The following FGF14 variants were observed in gnomAD, a reference collection of about 807,000 sequenced individuals.
FGF14 encodes fibroblast growth factor 14.
FGF14 carries 5 observed loss-of-function variants against 25.5 expected under a neutral mutation model. The ratio of observed to expected loss-of-function variants is 0.20; its 90% CI spans 0.10 to 0.41. The LOEUF (loss-of-function observed/expected upper bound fraction) is 0.41, where lower values mean the gene tolerates loss of function less well. FGF14 is among the 10% of genes least tolerant of loss of function. The probability of loss-of-function intolerance (pLI) is 1.00; values close to 1 mark genes in which losing one functional copy is unlikely to be tolerated. For missense variants in FGF14, 222 were observed against 320.1 expected, an observed-to-expected ratio of 0.69 and a Z score of 2.34; for synonymous variants, 138 against 118.3, an observed-to-expected ratio of 1.17 and a Z score of -1.08.
In FGF14 at chr13:101,715,704, C is replaced by T. The variant is rs1366859898; in HGVS notation, c.*7127G>A. ...TCTTATTTTTTCTGGGCCATTAGAA[C>T]AGATAAATGCGAAGGAAACCATGTA... On this transcript the variant is annotated 3_prime_UTR_variant, in exon 5 of 5. Transcript: ENST00000376143. 1 of 1,238,576 alleles carries T rather than the reference C, an allele frequency of 8.1e-7. No individual in the cohort carries two copies. The highest frequency in any genetic ancestry group is 2.3e-5 in the East Asian group (1 of 43,178). 76.7% of individuals were successfully genotyped at this position (1,238,576 alleles called of 1,614,324 possible). A position where few individuals can be genotyped will look rare whatever the true frequency, so the allele number is the denominator to read the frequency against.
intron 1 of FGF14, among the ~76,000 whole-genome samples, chr13:102,038,391 T>C (rs907759392): frequency 1.3e-5 from 2 of 152,282 alleles, no homozygotes; most frequent in African/African-American, 4.8e-5. Flanking sequence ...GACTGAAGCC[T>C]GCTCCTAGGG....
chr13:101,905,381 G>T (rs2032110474), intron 1 of FGF14, among the ~76,000 whole-genome samples: 1 of 152,180 alleles, frequency 6.6e-6, no homozygotes, highest in African/African-American at 2.4e-5. Flanking sequence ...CATAAAAAAG[G>T]ATGAGTTCAT....
chr13:102,312,079 T>C (rs985071610), intron 1 of FGF14, among the ~76,000 whole-genome samples: 1 of 152,190 alleles, frequency 6.6e-6, no homozygotes, highest in African/African-American at 2.4e-5. Context: ...GTATGTTACC[T>C]ACTCTGAGTT....
intron 1 of FGF14, among the ~76,000 whole-genome samples, chr13:102,232,645 T>C (rs1459774141): frequency 6.6e-6 from 1 of 152,228 alleles, no homozygotes; most frequent in Non-Finnish European, 1.5e-5. Flanking sequence ...TGATCTTCTC[T>C]TGATTCCCTT....
chr13:102,365,949 A>G (rs796973569), intron 1 of FGF14, among the ~76,000 whole-genome samples: 12 of 152,304 alleles, frequency 7.9e-5, no homozygotes, highest in African/African-American at 2.2e-4. Context: ...GATCTAAACA[A>G]TGTTCTCTCC....
chr13:101,919,770 T>C (rs760301815), upstream of FGF14, among the ~76,000 whole-genome samples: 6 of 152,128 alleles, frequency 3.9e-5, no homozygotes, highest in African/African-American at 7.2e-5. Flanking sequence ...GGGAAGGAAA[T>C]TGATCTTCAC....
At chr13:101,868,626 G>A (rs1357114270) in intron 3 of FGF14, 99 bp downstream of exon 3, 5 of 830,118 alleles carry the variant, frequency 6.0e-6, no homozygotes, top group Middle Eastern at 2.2e-4. Flanking sequence ...GGCAAAAACT[G>A]GCAGAAACAA....
intron 1 of FGF14, among the ~76,000 whole-genome samples, chr13:102,188,924 G>C (rs11069476): frequency 0.15 from 21,591 of 140,500 alleles, 1,734 homozygotes; most frequent in Non-Finnish European, 0.18. Context: ...CTGAGTGACA[G>C]AGTGAGAAAA....
chr13:102,330,990 C>T (rs2056617812), intron 1 of FGF14, among the ~76,000 whole-genome samples: 1 of 152,190 alleles, frequency 6.6e-6, no homozygotes, highest in Non-Finnish European at 1.5e-5. Context: ...GCTTAATTAA[C>T]ACCAGAGCTT....
chr13:102,091,901 G>A (rs371124335), intron 1 of FGF14, among the ~76,000 whole-genome samples: 2 of 152,134 alleles, frequency 1.3e-5, no homozygotes, highest in South Asian at 4.1e-4. Flanking sequence ...CCTCCAGAGT[G>A]GACTCTGACC....
intron 1 of FGF14, among the ~76,000 whole-genome samples, chr13:102,064,626 C>G (rs574654268): frequency 9.2e-5 from 14 of 151,952 alleles, no homozygotes; most frequent in South Asian, 2.1e-4. Context: ...GCACGAAATT[C>G]AAATTTGTGT....
chr13:102,007,739 C>A (rs3886535), intron 1 of FGF14, among the ~76,000 whole-genome samples: 1 of 152,070 alleles, frequency 6.6e-6, no homozygotes, highest in Non-Finnish European at 1.5e-5. Flanking sequence ...TCAAAATAAT[C>A]ACAGGGGGTT....
intron 1 of FGF14, among the ~76,000 whole-genome samples, chr13:102,049,692 C>T (rs1434048069): frequency 6.6e-6 from 1 of 151,870 alleles, no homozygotes; most frequent in Non-Finnish European, 1.5e-5. Context: ...AGAATATGCC[C>T]CTAATGCAAT....
rs1375291598 is a variant in FGF14 at position 101,823,050 on chromosome 13, A to G, written c.408+45675T>C. Among the ~76,000 whole-genome samples, 3 of 152,092 alleles carry G rather than the reference A, an allele frequency of 2.0e-5. No homozygotes were observed. The East Asian group carries it at 5.8e-4, about 29-fold the overall frequency. Reference sequence around the variant, plus strand: ...ATATGCCAAAATTTCATTCCTTTTTATGGCTAGATGATATTCCATTGTATG... The same window carrying G: ...ATATGCCAAAATTTCATTCCTTTTTGTGGCTAGATGATATTCCATTGTATG... On this transcript the variant is annotated intron_variant, in intron 3 of 4. Coordinates refer to ENST00000376143, the MANE Select transcript of FGF14 (RefSeq NM_004115.4).
chr13:101,788,965 G>GAGAGAGAGAGAGAGAT (rs2040073837), intron 3 of FGF14, among the ~76,000 whole-genome samples: 1 of 80,606 alleles, frequency 1.2e-5, no homozygotes, highest in Non-Finnish European at 2.8e-5. Context: ...GAGAGAGAGA[G>GAGAGAGAGAGAGAGAT]AGAGACAGAG....
At chr13:101,882,864 C>T (rs1303525136) in intron 1 of FGF14, among the ~76,000 whole-genome samples, 1 of 152,094 alleles carries the variant, frequency 6.6e-6, no homozygotes, top group South Asian at 2.1e-4. Context: ...GCTCTGTTCC[C>T]TTCTGAGTTT....
chr13:102,237,882 T>C (rs2051403373), intron 1 of FGF14, among the ~76,000 whole-genome samples: 1 of 152,196 alleles, frequency 6.6e-6, no homozygotes, highest in African/African-American at 2.4e-5. Context: ...ATGCAGATTT[T>C]TGGACCACAT....
chr13:102,379,450 G>GTA lies in FGF14; in HGVS notation c.208+22019_208+22020dup, dbSNP rs547765941. On this transcript the variant is annotated intron_variant, in intron 1 of 4. Transcript: ENST00000376131. ...CACACATATTTATATATATGTGTATGTATATATATATATACCTTTATATAT... is the reference window on the plus strand; with the variant it reads ...CACACATATTTATATATATGTGTATGTATATATATATATATACCTTTATATAT... Among the ~76,000 whole-genome samples, 171 of 149,188 alleles carry GTA rather than the reference G, an allele frequency of 1.1e-3. 3 individuals are homozygous for GTA. The East Asian group carries it at 0.021, about 18-fold the overall frequency.
chr13:102,169,188 A>C (rs1306592278), intron 1 of FGF14, among the ~76,000 whole-genome samples: 1 of 151,602 alleles, frequency 6.6e-6, no homozygotes, highest in African/African-American at 2.4e-5. Flanking sequence ...TCTCATTTAT[A>C]GGCTCGGCTT....
Sources: allele counts gnomAD v4.1 joint callset (sites outside exome capture counted in the v4.1 genomes callset), GRCh38; gene constraint gnomAD v4.1.1; transcripts MANE v1.5; gene names NCBI Gene and HGNC (gene_info 2026-07-23, HGNC 2026-07-21).